The following FBXO42 variants were observed in gnomAD, a reference collection of about 807,000 sequenced individuals.
FBXO42 encodes F-box protein 42.
FBXO42 carries 12 observed loss-of-function variants against 71.7 expected under a neutral mutation model. The observed-to-expected ratio is 0.17, with a 90% confidence interval of 0.11 to 0.27. The LOEUF (loss-of-function observed/expected upper bound fraction) is 0.27. FBXO42 is among the 10% of genes least tolerant of loss of function. The pLI, the probability that FBXO42 is intolerant of heterozygous loss-of-function variation, is 1.00. For missense variants in FBXO42, 707 were observed against 911.9 expected (o/e 0.78, Z 2.89); for synonymous variants, 325 against 327.5 (o/e 0.99, Z 0.08).
chr1:16,283,494 G>GTTTTTTTTTTTTTTTTTTTTTTTT lies in FBXO42; in HGVS notation c.502+11288_502+11289insAAAAAAAAAAAAAAAAAAAAAAAA, dbSNP rs386366300. Among the ~76,000 whole-genome samples, 5 of 80,988 alleles carry GTTTTTTTTTTTTTTTTTTTTTTTT rather than the reference G, an allele frequency of 6.2e-5. 1 individual carries two copies. The highest frequency in any genetic ancestry group is 2.2e-4 in the African/African-American group (5 of 22,486). 53.1% of individuals were successfully genotyped at this position (80,988 alleles called of 152,430 possible). ...TTATAGACTCTTCTAACTGTGGCAA[G>GTTTTTTTTTTTTTTTTTTTTTTTT]TTTTTTTTTTTTTTTTTTTTTTTGA... On this transcript the variant is annotated intron_variant, in intron 4 of 9. Transcript: ENST00000375592.
At chr1:16,338,804 C>CTTTTTTTTTTTTT (rs71574177) in intron 1 of FBXO42, among the ~76,000 whole-genome samples, 39 of 80,956 alleles carry the variant, frequency 4.8e-4, no homozygotes, top group Non-Finnish European at 7.0e-4. Flanking sequence ...TTCCATTTGT[C>CTTTTTTTTTTTTT]TTTTTTTTTT....
At chr1:16,263,134 AT>A (rs201966154) in intron 4 of FBXO42, among the ~76,000 whole-genome samples, 4 of 151,232 alleles carry the variant, frequency 2.6e-5, no homozygotes, top group African/African-American at 7.3e-5. Context: ...AACTTTATTC[AT>A]TTTTTTTTAA....
chr1:16,320,882 A>C (rs1159597977), intron 1 of FBXO42, among the ~76,000 whole-genome samples: 1 of 152,110 alleles, frequency 6.6e-6, no homozygotes, highest in Non-Finnish European at 1.5e-5. Flanking sequence ...GCCCAAAGAA[A>C]TGGATTCCTT....
intron 4 of FBXO42, among the ~76,000 whole-genome samples, chr1:16,266,909 C>T (rs75218693): frequency 0.31 from 46,886 of 151,972 alleles, 8,754 homozygotes; most frequent in East Asian, 0.67. Context: ...AAACAGATTC[C>T]TTAAAGAAAA....
chr1:16,348,055 A>G (rs1360723035), intron 1 of FBXO42, among the ~76,000 whole-genome samples: 1 of 152,088 alleles, frequency 6.6e-6, no homozygotes, highest in Non-Finnish European at 1.5e-5. Flanking sequence ...AAGCTATATT[A>G]TAAGCTTAAT....
chr1:16,248,931 A>G lies in FBXO42; in HGVS notation c.*1739T>C, dbSNP rs1441477995. The G allele has an allele frequency of 1.3e-5, 2 of 152,278 alleles. No individual in the cohort carries two copies. Among genetic ancestry groups the G allele is most frequent in the Non-Finnish European group, 1.5e-5 (1 of 68,042 alleles). 9.4% of individuals were successfully genotyped at this position (152,278 alleles called of 1,614,324 possible). ...TCATAAAAGCTAATGGCTAAGGGAAAGGATTCAGCATGATGTAACAGGAGA... is the reference window on the plus strand; with the variant it reads ...TCATAAAAGCTAATGGCTAAGGGAAGGGATTCAGCATGATGTAACAGGAGA... On this transcript the variant is annotated 3_prime_UTR_variant, in exon 10 of 10. Transcript: ENST00000375592.
chr1:16,331,799 C>G (rs1053103113), intron 1 of FBXO42, among the ~76,000 whole-genome samples: 2 of 151,950 alleles, frequency 1.3e-5, no homozygotes, highest in Non-Finnish European at 2.9e-5. Context: ...GCCTGTAATC[C>G]CAGCACTTTG....
chr1:16,294,699 C>G, intron 4 of FBXO42, 84 bp downstream of exon 4: 1 of 1,482,330 alleles, frequency 6.7e-7, no homozygotes, highest in Non-Finnish European at 9.2e-7. Context: ...ATCCTTGAGA[C>G]CAACACCAAA....
intron 1 of FBXO42, 58 bp from the exon 2 acceptor site, chr1:16,315,493 C>A: frequency 1.3e-6 from 2 of 1,518,506 alleles, no homozygotes; most frequent in Non-Finnish European, 8.9e-7. Context: ...AAAAACAATT[C>A]AGGCATGTAC....
intron 2 of FBXO42, among the ~76,000 whole-genome samples, chr1:16,311,436 T>C (rs1490664733): frequency 4.1e-5 from 6 of 146,248 alleles, no homozygotes; most frequent in Non-Finnish European, 8.9e-5. Context: ...CGCAATGAGC[T>C]ATGACCATGC....
chr1:16,307,873 A>C (rs1368487169), intron 2 of FBXO42, among the ~76,000 whole-genome samples: 1 of 152,208 alleles, frequency 6.6e-6, no homozygotes, highest in Non-Finnish European at 1.5e-5. Context: ...AACTTGATCA[A>C]CAGATTCAAT....
At chr1:16,286,409 C>A (rs777867880) in intron 4 of FBXO42, among the ~76,000 whole-genome samples, 1 of 152,116 alleles carries the variant, frequency 6.6e-6, no homozygotes, top group Non-Finnish European at 1.5e-5. Flanking sequence ...GGCAGCAGGA[C>A]GGAATGAGTG....
intron 4 of FBXO42, chr1:16,293,529 G>T (rs989643599): frequency 6.6e-6 from 1 of 152,110 alleles, no homozygotes; most frequent in Admixed American, 6.6e-5. Flanking sequence ...TCCTGGTGTG[G>T]CCATCTGCAG....
intron 3 of FBXO42, among the ~76,000 whole-genome samples, chr1:16,296,971 C>T (rs2082137423): frequency 8.4e-6 from 1 of 119,060 alleles, no homozygotes; most frequent in African/African-American, 3.2e-5. Context: ...CAGAGTCTTG[C>T]TGTGTGGCCG....
intron 2 of FBXO42, among the ~76,000 whole-genome samples, chr1:16,313,229 T>C (rs1297690126): frequency 1.3e-5 from 2 of 150,068 alleles, no homozygotes; most frequent in African/African-American, 4.9e-5. Context: ...CGATCTAAGA[T>C]TGTGAGTACT....
intron 1 of FBXO42, among the ~76,000 whole-genome samples, chr1:16,345,433 T>C (rs1478062004): frequency 6.7e-6 from 1 of 150,178 alleles, no homozygotes; most frequent in African/African-American, 2.4e-5. Context: ...AAAAATAAAA[T>C]AGAATAAAAT....
intron 1 of FBXO42, among the ~76,000 whole-genome samples, chr1:16,342,675 T>G (rs929863093): frequency 4.6e-5 from 7 of 152,098 alleles, no homozygotes; most frequent in African/African-American, 1.7e-4. Flanking sequence ...AATTTCTAAG[T>G]TACCTACTGC....
intron 2 of FBXO42, among the ~76,000 whole-genome samples, chr1:16,309,036 C>A (rs2082284689): frequency 1.4e-5 from 2 of 139,390 alleles, no homozygotes; most frequent in South Asian, 4.8e-4. Flanking sequence ...AGCCACCATG[C>A]CAGGCCGGGA....
intron 1 of FBXO42, among the ~76,000 whole-genome samples, chr1:16,338,991 A>T (rs2082578542): frequency 2.0e-5 from 3 of 151,836 alleles, no homozygotes; most frequent in Admixed American, 6.6e-5. Flanking sequence ...CTGTATTTTT[A>T]GTAGAGATGG....
Sources: allele counts gnomAD v4.1 joint callset (sites outside exome capture counted in the v4.1 genomes callset), GRCh38; gene constraint gnomAD v4.1.1; transcripts MANE v1.5; gene names NCBI Gene and HGNC (gene_info 2026-07-23, HGNC 2026-07-21).